ZFP91: variants seen among roughly 807,000 people sequenced by gnomAD.
ZFP91 encodes ZFP91 zinc finger protein, atypical E3 ubiquitin ligase, also known as E3 ubiquitin-protein ligase ZFP91.
In ZFP91, 7 loss-of-function variants were observed where a neutral mutation model predicts 63.5. The ratio of observed to expected loss-of-function variants is 0.11; its 90% CI spans 0.06 to 0.21. The LOEUF is 0.21. Ranked by LOEUF, ZFP91 falls within the 10% of genes least tolerant of loss-of-function variation. ZFP91 has a pLI of 1.00. For synonymous variants in ZFP91, 330 were observed against 272.1 expected, an observed-to-expected ratio of 1.21 and a Z score of -2.10; for missense variants, 628 against 736.6, an observed-to-expected ratio of 0.85 and a Z score of 1.71.
intron 1 of ZFP91, 38 bp downstream of exon 1, chr11:58,579,660 CTCTG>C: frequency 6.7e-7 from 1 of 1,501,896 alleles, no homozygotes; most frequent in Non-Finnish European, 8.8e-7. Flanking sequence ...AAAGACCCCC[CTCTG>C]TCCGTACGCA....
rs200908575 is a variant in ZFP91 at position 58,616,835 on chromosome 11, G to T, written c.1202+20G>T. On this transcript the variant is annotated intron_variant, in intron 10 of 10. Coordinates refer to ENST00000316059, the MANE Select transcript of ZFP91 (RefSeq NM_053023.5). ...ATTACAGTGAGTATTATTTACTGGT[G>T]AACATCTGGGTGAGAAGGATATATG... 1 of 1,605,126 alleles carries T rather than the reference G, an allele frequency of 6.2e-7. No homozygotes were observed. The highest frequency in any genetic ancestry group is 1.1e-5 in the South Asian group (1 of 90,750).
In ZFP91 at chr11:58,588,784, C is replaced by T. The variant is rs796311883; in HGVS notation, c.370+3900C>T. Among the ~76,000 whole-genome samples, 19 of 152,014 alleles carry T rather than the reference C, an allele frequency of 1.2e-4. 1 individual carries two copies. The highest frequency in any genetic ancestry group is 4.1e-4 in the African/African-American group (17 of 41,492). On this transcript the variant is annotated intron_variant, in intron 2 of 10. Coordinates refer to ENST00000316059, the MANE Select transcript of ZFP91 (RefSeq NM_053023.5). Reference sequence around the variant, plus strand: ...AATATTTTTATTATTTCTAAAAATACAGAAGACACATTTTTATGCTTTTTT... The same window carrying T: ...AATATTTTTATTATTTCTAAAAATATAGAAGACACATTTTTATGCTTTTTT...
intron 5 of ZFP91, chr11:58,611,302 G>A (rs953669247): frequency 2.1e-6 from 1 of 473,632 alleles, no homozygotes; most frequent in Non-Finnish European, 3.7e-6. Flanking sequence ...ATTTCAACAA[G>A]GTATCATGAA....
rs933948334 is a variant in ZFP91, at chr11:58,589,892, C to T, written c.370+5008C>T. 9.2e-5 allele frequency among the ~76,000 whole-genome samples: 14 copies of T among 152,312 alleles called. No individual in the cohort carries two copies. The East Asian group carries it at 2.7e-3, about 29-fold the overall frequency. ...TGATGTAGGCTTAAAAAGCCTTGAT[C>T]ATCAGCTTATTTCAGTTATGGGATT... On this transcript the variant is annotated intron_variant, in intron 2 of 10. Transcript: ENST00000316059.
intron 9 of ZFP91, 107 bp downstream of exon 9, chr11:58,614,450 C>G: frequency 1.3e-6 from 1 of 773,158 alleles, no homozygotes; most frequent in South Asian, 2.9e-5. Flanking sequence ...ATTCTATAGT[C>G]AAGTGCGGGG....
chr11:58,609,180 T>A (rs1855616571), intron 2 of ZFP91, among the ~76,000 whole-genome samples: 1 of 152,188 alleles, frequency 6.6e-6, no homozygotes, highest in South Asian at 2.1e-4. Flanking sequence ...GAGGATGACC[T>A]ACCGTACTTC....
chr11:58,605,513 C>T (rs546825763), intron 2 of ZFP91, among the ~76,000 whole-genome samples: 1 of 151,504 alleles, frequency 6.6e-6, no homozygotes, highest in South Asian at 2.1e-4. Context: ...TTAATTTCAT[C>T]TTCGTTTTTA....
chr11:58,612,320 C>T lies in ZFP91; in HGVS notation c.900C>T (p.Pro300=), dbSNP rs191528384. The change falls in exon 7 of 11, where the codon CCC becomes CCT. Residue 300 remains proline (P), a synonymous_variant. Coordinates refer to ENST00000316059, the MANE Select transcript of ZFP91 (RefSeq NM_053023.5). ...RRKDDKSPRL[P]KRRKKPPIQY... ...AAGATGACAAAAGTCCACGTTTACC[C>T]AAAAGGAGGTGAGGAATTTTTACCC... is the stretch of plus-strand genomic sequence containing the variant. 1 of 1,613,554 alleles carries T rather than the reference C, an allele frequency of 6.2e-7. No homozygotes were observed. Among genetic ancestry groups the T allele is most frequent in the East Asian group, 2.2e-5 (1 of 44,846 alleles).
intron 5 of ZFP91, chr11:58,611,369 G>A (rs1457419958): frequency 1.9e-6 from 1 of 535,852 alleles, no homozygotes; most frequent in South Asian, 4.2e-5. Flanking sequence ...TACAATTATA[G>A]TGAAATTTGA....
chr11:58,616,488 CTGTT>C (rs1438065572), intron 9 of ZFP91, among the ~76,000 whole-genome samples: 4 of 151,334 alleles, frequency 2.6e-5, no homozygotes, highest in South Asian at 4.2e-4. Context: ...TCTAGTTTTT[CTGTT>C]TGTTTTTGTT....
rs776992730 is a variant in ZFP91, at chr11:58,617,589, G to A, written c.1596G>A (p.Gly532=). 1 of 1,609,606 alleles carries A rather than the reference G, an allele frequency of 6.2e-7. No individual in the cohort carries two copies. Residue 532 remains glycine (G), a synonymous_variant, in exon 11 of 11, where the codon GGG becomes GGA. Transcript: ENST00000316059. The surrounding 1 kb of genome is among the most constrained non-coding windows in gnomAD (Gnocchi z 4.2). ...AACGGGTGAGCCTGATGGCTGATGG[G>A]AAGATCTTTGTGGGAAGCGGCAGCA... The part of the protein sequence containing the change: ...GTERVSLMAD[G]KIFVGSGSSG...
chr11:58,591,148 C>T (rs867976608), intron 2 of ZFP91, among the ~76,000 whole-genome samples: 23 of 152,110 alleles, frequency 1.5e-4, no homozygotes, highest in African/African-American at 5.6e-4. Context: ...AGTCAACCGC[C>T]CCCAAGTGTA....
At chr11:58,596,401 A>C (rs1855404831) in intron 2 of ZFP91, among the ~76,000 whole-genome samples, 1 of 152,180 alleles carries the variant, frequency 6.6e-6, no homozygotes, top group Admixed American at 6.5e-5. Flanking sequence ...ATGTTTCTAC[A>C]CTTTAACCAT....
chr11:58,584,323 G>T lies in ZFP91; in HGVS notation c.342-533G>T, dbSNP rs796661747. Among the ~76,000 whole-genome samples the T allele has an allele frequency of 5.9e-5, 9 of 152,108 alleles. 1 individual carries two copies. The highest frequency in any genetic ancestry group is 1.9e-4 in the African/African-American group (8 of 41,524). On this transcript the variant is annotated intron_variant, in intron 1 of 10. Coordinates refer to ENST00000316059, the MANE Select transcript of ZFP91 (RefSeq NM_053023.5). ...AATTGTTAAATATACACAAAATAGG[G>T]AAAATAGTATAATGAAACCCCAGTA...
At chr11:58,601,556 C>T (rs181992360) in intron 2 of ZFP91, among the ~76,000 whole-genome samples, 1 of 150,292 alleles carries the variant, frequency 6.7e-6, no homozygotes, top group Non-Finnish European at 1.5e-5. Context: ...TACTCTGCTC[C>T]TTTTTTCCTA....
chr11:58,597,040 T>C (rs1855415825), intron 2 of ZFP91, among the ~76,000 whole-genome samples: 1 of 152,090 alleles, frequency 6.6e-6, no homozygotes, highest in Non-Finnish European at 1.5e-5. Flanking sequence ...ATTCATGAGG[T>C]AACCAGGGGC....
Position 58,620,814 on chromosome 11 carries a change from A to C in ZFP91, c.*3108A>C, listed in dbSNP as rs543268572. 6.3e-4 allele frequency: 96 copies of C among 152,790 alleles called. No individual in the cohort carries two copies. The highest frequency in any genetic ancestry group is 2.3e-3 in the African/African-American group (95 of 41,580). The allele number at this position is 152,790 out of a possible 1,614,324, so 9.5% of individuals were successfully genotyped here. A position where few individuals can be genotyped will look rare whatever the true frequency, so the allele number is the denominator to read the frequency against. On this transcript the variant is annotated 3_prime_UTR_variant, in exon 11 of 11. Transcript: ENST00000316059. ...TGAACAAATGTAATGGATCAATTTA[A>C]AATATTTTATTTCTTAAAAGCCTTT...
chr11:58,594,572 T>C (rs1855364751), intron 2 of ZFP91, among the ~76,000 whole-genome samples: 1 of 152,240 alleles, frequency 6.6e-6, no homozygotes, highest in South Asian at 2.1e-4. Context: ...TGCTCCAAAA[T>C]TTTAATATCT....
At chr11:58,582,514 A>C (rs1855135956) in intron 1 of ZFP91, among the ~76,000 whole-genome samples, 1 of 152,244 alleles carries the variant, frequency 6.6e-6, no homozygotes, top group Non-Finnish European at 1.5e-5. Flanking sequence ...TCTTAATTAA[A>C]GTGATAGTAA....
Sources: allele counts gnomAD v4.1 joint callset (sites outside exome capture counted in the v4.1 genomes callset), GRCh38; gene constraint gnomAD v4.1.1; non-coding constraint Gnocchi (gnomAD v3.1); transcripts MANE v1.5; gene names NCBI Gene and HGNC (gene_info 2026-07-23, HGNC 2026-07-21).